Variants in CMYA5 observed in about 807,000 individuals in gnomAD.
CMYA5 encodes cardiomyopathy associated 5, also known as cardiomyopathy-associated protein 5.
In CMYA5, 246 loss-of-function variants were observed where a neutral mutation model predicts 318.9. The ratio of observed to expected loss-of-function variants is 0.77; its 90% CI spans 0.70 to 0.86. The LOEUF (loss-of-function observed/expected upper bound fraction) is 0.86, where lower values mean the gene tolerates loss of function less well. Among genes scored for constraint, CMYA5 ranks in the 40% least tolerant of loss-of-function variants. The probability of loss-of-function intolerance (pLI) is 0.00; values close to 1 mark genes in which losing one functional copy is unlikely to be tolerated. For missense variants in CMYA5, 4,589 were observed against 4,678.2 expected (o/e 0.98, Z 0.56); for synonymous variants, 1,641 against 1,729.5 (o/e 0.95, Z 1.27).
rs1235739189 is a variant in CMYA5, at chr5:79,730,078, C to G, written c.1313C>G (p.Ala438Gly). ...YSAHHSISLE[A>G]ASPGLAASTQ... ...GCTCACCATTCCATTTCTCTGGAGG[C>G]AGCGTCACCAGGTCTGGCAGCATCT... The change falls in exon 2 of 13, where the codon GCA becomes GGA. Residue 438 changes from alanine (A) to glycine (G), a missense_variant. Transcript: ENST00000446378. The G allele has an allele frequency of 6.2e-7, 1 of 1,613,660 alleles. No individual in the cohort carries two copies. The highest frequency in any genetic ancestry group is 8.5e-7 in the Non-Finnish European group (1 of 1,179,890).
At chr5:79,786,381 T>G (rs1829081811) in intron 9 of CMYA5, among the ~76,000 whole-genome samples, 1 of 152,234 alleles carries the variant, frequency 6.6e-6, no homozygotes, top group Non-Finnish European at 1.5e-5. Flanking sequence ...AATTTCTAAT[T>G]GTCTTTCAAA....
In CMYA5 at chr5:79,761,871, A is replaced by G. The variant is rs1178388364; in HGVS notation, c.11321A>G (p.Glu3774Gly). 2 of 1,613,804 alleles carry G rather than the reference A, an allele frequency of 1.2e-6. No homozygotes were observed. The highest frequency in any genetic ancestry group is 1.7e-5 in the Admixed American group (1 of 60,010). ...AGCTACTGCATTTTTGAAGATCTGG[A>G]ACCTGACCGATGCTATCAAGTGTGG... ...KESYCIFEDL[E>G]PDRCYQVWVM... The change falls in exon 8 of 13, where the codon GAA (glutamate) becomes GGA (glycine). Residue 3774 changes from glutamate (E) to glycine (G), a missense_variant. By Grantham distance (98) the Glu-to-Gly change is moderately conservative. This residue lies in a region of CMYA5 where 2,431 missense variants were observed against 2,495.1 expected (regional missense o/e 0.97). Transcript: ENST00000446378.
At chr5:79,766,413 C>T (rs1304284787) in intron 9 of CMYA5, among the ~76,000 whole-genome samples, 1 of 152,188 alleles carries the variant, frequency 6.6e-6, no homozygotes, top group Non-Finnish European at 1.5e-5. Flanking sequence ...CCAGCTTTTG[C>T]TCATTCAGTG....
chr5:79,763,347 G>A (rs1359669918), intron 9 of CMYA5, 138 bp downstream of exon 9: 1 of 714,288 alleles, frequency 1.4e-6, no homozygotes, highest in Non-Finnish European at 2.2e-6. Context: ...CCGCTGACTT[G>A]ATTTGCAGCT....
chr5:79,715,436 C>T lies in CMYA5; in HGVS notation c.150-13479C>T, dbSNP rs373501305. ...CCGAGTAGCTGGGACTACAGGCGCC[C>T]GCCACCACGCCCGGCTAATTTTTTG... On this transcript the variant is annotated intron_variant, in intron 1 of 12. Transcript: ENST00000446378. 7.7e-3 allele frequency among the ~76,000 whole-genome samples: 1,177 copies of T among 152,124 alleles called. 22 individuals carry two copies. Among genetic ancestry groups the T allele is most frequent in the African/African-American group, 0.028 (1,142 of 41,468 alleles).
intron 9 of CMYA5, 103 bp downstream of exon 9, chr5:79,763,312 C>A: frequency 9.5e-7 from 1 of 1,056,024 alleles, no homozygotes; most frequent in Non-Finnish European, 1.3e-6. Context: ...GAAATGCCGT[C>A]TAAAATCCTG....
At chr5:79,709,884 C>A (rs1341667821) in intron 1 of CMYA5, among the ~76,000 whole-genome samples, 2 of 140,460 alleles carry the variant, frequency 1.4e-5, no homozygotes, top group East Asian at 2.4e-4. Context: ...TTGCTTGAAC[C>A]CGGGAGGCGG....
In CMYA5 at chr5:79,793,605, A is replaced by C; in HGVS notation, c.11958A>C (p.Pro3986=). 6.3e-7 allele frequency: 1 copy of C among 1,592,934 alleles called. No individual in the cohort carries two copies. The highest frequency in any genetic ancestry group is 8.6e-7 in the Non-Finnish European group (1 of 1,163,228). The change falls in exon 12 of 13, where the codon CCA becomes CCC. Residue 3986 remains proline, a synonymous_variant. Coordinates refer to ENST00000446378, the MANE Select transcript of CMYA5 (RefSeq NM_153610.5). ...CATGGTACATGCACTGCTCTGAGCCACAGAGGTAAGCGAGCCCTTCCCCTC... is the reference window on the plus strand; with the variant it reads ...CATGGTACATGCACTGCTCTGAGCCCCAGAGGTAAGCGAGCCCTTCCCCTC... ...ETSWYMHCSE[P]QRYTFFYSGI...
At chr5:79,748,333 T>C (rs901620951) in intron 5 of CMYA5, among the ~76,000 whole-genome samples, 1 of 152,190 alleles carries the variant, frequency 6.6e-6, no homozygotes, top group Non-Finnish European at 1.5e-5. Context: ...CTAAATCACC[T>C]GTGCAATTTG....
At position 79,734,609 on chromosome 5, in the gene CMYA5, G is replaced by T; in HGVS notation, c.5844G>T (p.Pro1948=). 2 of 1,613,834 alleles carry T rather than the reference G, an allele frequency of 1.2e-6. No homozygotes were observed. Among genetic ancestry groups the T allele is most frequent in the Non-Finnish European group, 1.7e-6 (2 of 1,179,808 alleles). Residue 1948 remains proline (P), a synonymous_variant, in exon 2 of 13, where the codon CCG becomes CCT. Coordinates refer to ENST00000446378, the MANE Select transcript of CMYA5 (RefSeq NM_153610.5). ...HTCEVRKQVL[P]HSAEESHLSS... ...GTGAAGTGAGAAAGCAGGTCCTGCC[G>T]CATTCTGCTGAAGAATCTCATTTGT...
At chr5:79,770,475 C>T (rs1481818169) in intron 9 of CMYA5, among the ~76,000 whole-genome samples, 1 of 152,192 alleles carries the variant, frequency 6.6e-6, no homozygotes, top group Non-Finnish European at 1.5e-5. Flanking sequence ...TTGTGAAGAC[C>T]ATGGGAAAAG....
chr5:79,711,991 C>T (rs1165616474), intron 1 of CMYA5, among the ~76,000 whole-genome samples: 5 of 152,116 alleles, frequency 3.3e-5, no homozygotes, highest in East Asian at 1.9e-4. Context: ...TGCTTCTCTC[C>T]GTAGCTGGAG....
intron 5 of CMYA5, among the ~76,000 whole-genome samples, chr5:79,751,850 T>C (rs537100408): frequency 5.3e-5 from 8 of 152,320 alleles, no homozygotes; most frequent in Admixed American, 1.3e-4. Flanking sequence ...GCGTACTCTC[T>C]GAGGAGCTGA....
chr5:79,754,909 C>G (rs1828498567), intron 6 of CMYA5, among the ~76,000 whole-genome samples: 1 of 152,156 alleles, frequency 6.6e-6, no homozygotes, highest in South Asian at 2.1e-4. Flanking sequence ...AGTACTTCAT[C>G]TAAGTGGAAT....
rs1217493327 is a variant in CMYA5 at position 79,793,440 on chromosome 5, C to T, written c.11793C>T (p.Ile3931=). ...SFGERRRLTE[I]PSVLGEELPS... is the part of the protein sequence containing the mutation. Reference sequence around the variant, plus strand: ...CTCTGATTGACTTCACCCACAGAATCCCGTCAGTGCTGGGTGAGGAGCTGC... The same window carrying T: ...CTCTGATTGACTTCACCCACAGAATTCCGTCAGTGCTGGGTGAGGAGCTGC... The change falls in exon 12 of 13, where the codon ATC becomes ATT. Residue 3931 remains isoleucine (I), a synonymous_variant. Transcript: ENST00000446378. 2 of 1,608,908 alleles carry T rather than the reference C, an allele frequency of 1.2e-6. No individual in the cohort carries two copies. Among genetic ancestry groups the T allele is most frequent in the African/African-American group, 1.3e-5 (1 of 74,850 alleles).
intron 6 of CMYA5, among the ~76,000 whole-genome samples, chr5:79,758,439 G>C (rs1442917965): frequency 6.6e-6 from 1 of 151,982 alleles, no homozygotes. Flanking sequence ...GGCTGAGGCA[G>C]AAGAATCGCT....
intron 5 of CMYA5, among the ~76,000 whole-genome samples, chr5:79,749,691 T>A (rs1031075391): frequency 2.0e-5 from 3 of 152,134 alleles, no homozygotes; most frequent in Non-Finnish European, 4.4e-5. Context: ...ACATCAACAT[T>A]TATGCACACA....
intron 1 of CMYA5, among the ~76,000 whole-genome samples, chr5:79,719,619 A>G (rs1827582869): frequency 6.6e-6 from 1 of 152,262 alleles, no homozygotes; most frequent in South Asian, 2.1e-4. Context: ...TTCATAAATT[A>G]TCTCATTTCC....
rs774985383 is a variant in CMYA5, at chr5:79,734,098, T to A, written c.5333T>A (p.Leu1778Ter). 5.0e-6 allele frequency: 8 copies of A among 1,613,776 alleles called. No individual in the cohort carries two copies. The highest frequency in any genetic ancestry group is 5.9e-6 in the Non-Finnish European group (7 of 1,179,816). Residue 1778 changes from leucine (L) to a stop codon, truncating the protein, a stop_gained, in exon 2 of 13, where the codon TTG becomes TAG. Coordinates refer to ENST00000446378, the MANE Select transcript of CMYA5 (RefSeq NM_153610.5). LOFTEE classifies it high-confidence loss of function. ...EIGPLPPTGN[L>*]KAQVMGDILD... The stretch of plus-strand genomic sequence containing the variant: ...GGCCCATTACCACCAACTGGAAATT[T>A]GAAGGCACAAGTCATGGGAGATATT...
Sources: allele counts gnomAD v4.1 joint callset (sites outside exome capture counted in the v4.1 genomes callset), GRCh38; gene constraint gnomAD v4.1.1; regional missense constraint gnomAD v4.1.1; transcripts MANE v1.5; gene names NCBI Gene and HGNC (gene_info 2026-07-23, HGNC 2026-07-21).